The following TRRAP variants were observed in gnomAD, a reference collection of about 807,000 sequenced individuals.
TRRAP encodes the protein transformation/transcription domain associated protein.
A neutral mutation model predicts 438.8 loss-of-function variants in TRRAP; 41 were observed. That is an observed-to-expected ratio of 0.09 (90% CI 0.07 to 0.12). The LOEUF (loss-of-function observed/expected upper bound fraction) is 0.12. TRRAP is among the 10% of genes least tolerant of loss of function. The probability of loss-of-function intolerance (pLI) is 1.00; values close to 1 mark genes in which losing one functional copy is unlikely to be tolerated. For synonymous variants in TRRAP, 1,994 were observed against 1,962.9 expected (o/e 1.02, Z -0.42); for missense variants, 3,122 against 5,055.1 (o/e 0.62, Z 11.60).
At chr7:99,004,460 T>C (rs1290176628) in intron 68 of TRRAP, 45 bp downstream of exon 68, 1 of 1,566,608 alleles carries the variant, frequency 6.4e-7, no homozygotes, top group Non-Finnish European at 8.7e-7. Context: ...ACGGCGCCCA[T>C]GGACATGGAG....
intron 28 of TRRAP, among the ~76,000 whole-genome samples, chr7:98,936,753 TTTC>T (rs782558518): frequency 6.6e-6 from 1 of 152,170 alleles, no homozygotes; most frequent in East Asian, 1.9e-4. Flanking sequence ...CCCCTCAAGC[TTTC>T]TTCTTCTCAT....
At chr7:98,892,217 T>G (rs1322595474) in intron 4 of TRRAP, among the ~76,000 whole-genome samples, 1 of 152,232 alleles carries the variant, frequency 6.6e-6, no homozygotes, top group African/African-American at 2.4e-5. Context: ...GTAGAAATAC[T>G]GAAAATGATC....
chr7:98,884,527 G>A (rs1205667632), intron 3 of TRRAP, among the ~76,000 whole-genome samples: 1 of 152,168 alleles, frequency 6.6e-6, no homozygotes, highest in Non-Finnish European at 1.5e-5. Flanking sequence ...GAGCCACCAT[G>A]CCCAGCCGCA....
intron 58 of TRRAP, among the ~76,000 whole-genome samples, chr7:98,981,291 G>A (rs573287651): frequency 7.4e-4 from 113 of 152,224 alleles, no homozygotes; most frequent in African/African-American, 2.5e-3. Flanking sequence ...AATCCCAGCT[G>A]CTCAGGAGGC....
In TRRAP at chr7:98,900,738, T is replaced by C; in HGVS notation, c.897+18T>C. Reference sequence around the variant, plus strand: ...TTTACCAGGTAAGGTCATTGACTTTTATGTCAGGTTTATTGAGATAGTTTA... The same window carrying C: ...TTTACCAGGTAAGGTCATTGACTTTCATGTCAGGTTTATTGAGATAGTTTA... On this transcript the variant is annotated intron_variant, in intron 11 of 72. Transcript: ENST00000456197. The C allele has an allele frequency of 2.5e-6, 4 of 1,599,282 alleles. No individual in the cohort carries two copies. The highest frequency in any genetic ancestry group is 3.4e-6 in the Non-Finnish European group (4 of 1,171,130).
At chr7:98,921,694 C>G in intron 20 of TRRAP, 59 bp from the exon 21 acceptor site, 1 of 1,603,302 alleles carries the variant, frequency 6.2e-7, no homozygotes, top group Non-Finnish European at 8.5e-7. Flanking sequence ...GAGTTTTGAT[C>G]CGAACCTCGT....
intron 27 of TRRAP, 139 bp from the exon 28 acceptor site, chr7:98,935,440 A>G (rs1562949320): frequency 3.0e-6 from 2 of 669,100 alleles, no homozygotes; most frequent in Non-Finnish European, 4.7e-6. Flanking sequence ...TGATACTTAA[A>G]ATCTTTAGGA....
In TRRAP at chr7:98,976,780, C is replaced by T. The variant is rs1187008852; in HGVS notation, c.8247+10C>T. The T allele has an allele frequency of 5.6e-6, 9 of 1,610,800 alleles. No individual in the cohort carries two copies. The East Asian group carries it at 8.9e-5, about 16-fold the overall frequency. On this transcript the variant is annotated intron_variant, in intron 55 of 72. Transcript: ENST00000456197. The surrounding 1 kb of genome is among the most constrained non-coding windows in gnomAD (Gnocchi z 4.6). Reference sequence around the variant, plus strand: ...CACCCCGCCGCAGCAGGTGAGGGTGCGCCTCAGTTTGTTAATTACCTCTTC... The same window carrying T: ...CACCCCGCCGCAGCAGGTGAGGGTGTGCCTCAGTTTGTTAATTACCTCTTC...
At position 99,005,467 on chromosome 7, in the gene TRRAP, A is replaced by G; in HGVS notation, c.10753+119A>G. The stretch of plus-strand genomic sequence containing the variant: ...TAGCCTTTGAGGGTCCAGCTGCGTC[A>G]GCAGAGAATGTTGTAGTCTGTGCTG... On this transcript the variant is annotated intron_variant, in intron 69 of 72. Coordinates refer to ENST00000456197, the MANE Select transcript of TRRAP (RefSeq NM_001375524.1). This position sits in a 1 kb window ranked among gnomAD's most constrained non-coding sequence, Gnocchi z 5.1. The G allele has an allele frequency of 1.1e-6, 1 of 948,654 alleles. No individual in the cohort carries two copies. Among genetic ancestry groups the G allele is most frequent in the Non-Finnish European group, 1.6e-6 (1 of 612,846 alleles). The allele number at this position is 948,654 out of a possible 1,614,324, so 58.8% of individuals were successfully genotyped here. A position where few individuals can be genotyped will look rare whatever the true frequency, so the allele number is the denominator to read the frequency against.
chr7:98,974,977 C>T (rs562370506), intron 53 of TRRAP, among the ~76,000 whole-genome samples: 13 of 152,274 alleles, frequency 8.5e-5, no homozygotes, highest in African/African-American at 2.6e-4. Flanking sequence ...CAAACCCCCA[C>T]GGTTGGAGTT....
intron 20 of TRRAP, among the ~76,000 whole-genome samples, chr7:98,918,927 G>A (rs1789658573): frequency 6.7e-6 from 1 of 149,420 alleles, no homozygotes; most frequent in South Asian, 2.1e-4. Context: ...ATGGTAGCAA[G>A]CCCCCTGTAA....
Position 98,948,385 on chromosome 7 carries a change from G to A in TRRAP, c.4668+45G>A. On this transcript the variant is annotated intron_variant, in intron 34 of 72. Transcript: ENST00000456197. The surrounding 1 kb of genome is among the most constrained non-coding windows in gnomAD (Gnocchi z 4.9). ...CTGCTTCTCGCTCTGCCACCCTCCG[G>A]TGCTTATAGCGTCCTCACTTGATCG... The A allele has an allele frequency of 6.2e-7, 1 of 1,613,416 alleles. No individual in the cohort carries two copies. The highest frequency in any genetic ancestry group is 8.5e-7 in the Non-Finnish European group (1 of 1,179,754).
rs1790290287 is a variant in TRRAP, at chr7:98,930,750, C to T, written c.3511C>T (p.Leu1171=). ...VVSIKFLMER[L]PLTWVLQNQQ... Reference sequence around the variant, plus strand: ...GTCTATTAAGTTTCTCATGGAGCGGCTGCCTCTCACTTGGGTTCTCCAGAA... The same window carrying T: ...GTCTATTAAGTTTCTCATGGAGCGGTTGCCTCTCACTTGGGTTCTCCAGAA... The change falls in exon 25 of 73, where the codon CTG becomes TTG. Residue 1171 remains leucine, a synonymous_variant. Transcript: ENST00000456197. 2 of 1,614,218 alleles carry T rather than the reference C, an allele frequency of 1.2e-6. No homozygotes were observed. The highest frequency in any genetic ancestry group is 1.7e-6 in the Non-Finnish European group (2 of 1,180,040).
intron 52 of TRRAP, among the ~76,000 whole-genome samples, chr7:98,971,153 A>AT (rs1402000824): frequency 6.6e-6 from 1 of 151,936 alleles, no homozygotes; most frequent in Non-Finnish European, 1.5e-5. Flanking sequence ...TCGAATTAAA[A>AT]TTTTTTTCCT....
At chr7:98,917,753 A>G (rs1554409744) in intron 20 of TRRAP, 74 bp downstream of exon 20, 2 of 1,548,680 alleles carry the variant, frequency 1.3e-6, no homozygotes, top group African/African-American at 1.4e-5. Flanking sequence ...CTCTGTACTC[A>G]AGAGTGGGCT....
intron 3 of TRRAP, among the ~76,000 whole-genome samples, chr7:98,888,683 C>T (rs781871570): frequency 1.3e-5 from 2 of 152,202 alleles, no homozygotes; most frequent in Non-Finnish European, 2.9e-5. Context: ...TCTACCTTTT[C>T]ATGGGTAGCT....
chr7:98,941,330 C>T (rs1414716011), intron 30 of TRRAP, among the ~76,000 whole-genome samples: 7 of 152,114 alleles, frequency 4.6e-5, no homozygotes, highest in Non-Finnish European at 5.9e-5. Flanking sequence ...CATGCGCCAC[C>T]GTGCCCGGCT....
chr7:98,893,605 G>T (rs1554405274), intron 5 of TRRAP, among the ~76,000 whole-genome samples, 193 bp from the exon 6 acceptor site: 2 of 152,210 alleles, frequency 1.3e-5, no homozygotes, highest in East Asian at 3.8e-4. Context: ...CTCATGCAGA[G>T]CTGGCTGGTG....
chr7:98,903,761 G>A (rs151291425), intron 12 of TRRAP, among the ~76,000 whole-genome samples: 2 of 152,276 alleles, frequency 1.3e-5, no homozygotes, highest in East Asian at 3.9e-4. Flanking sequence ...GAGGTTTTAT[G>A]GACTTACAGT....
Sources: allele counts gnomAD v4.1 joint callset (sites outside exome capture counted in the v4.1 genomes callset), GRCh38; gene constraint gnomAD v4.1.1; non-coding constraint Gnocchi (gnomAD v3.1); transcripts MANE v1.5; gene names NCBI Gene and HGNC (gene_info 2026-07-23, HGNC 2026-07-21).